Variants in FBXO27 observed in about 807,000 individuals in gnomAD.
FBXO27 encodes F-box protein 27, also known as F-box only protein 27.
Under a neutral mutation model 28.3 loss-of-function variants are expected in FBXO27, and 28 were observed. The ratio of observed to expected loss-of-function variants is 0.99; its 90% CI spans 0.73 to 1.36. FBXO27 has a LOEUF of 1.36. Among genes scored for constraint, FBXO27 ranks in the 40% most tolerant of loss-of-function variants. The pLI is 0.00. For missense variants in FBXO27, 388 were observed against 394.1 expected (o/e 0.98, Z 0.13); for synonymous variants, 175 against 167.3 (o/e 1.05, Z -0.36).
rs970847415 is a variant in FBXO27 at position 39,011,168 on chromosome 19, C to T, written c.252+3219G>A. 3.9e-5 allele frequency among the ~76,000 whole-genome samples: 6 copies of T among 152,338 alleles called. No individual in the cohort carries two copies. The East Asian group carries it at 5.8e-4, about 15-fold the overall frequency. The stretch of plus-strand genomic sequence containing the variant: ...ACAAGTGGCCGGGTGCAGTGGCTCA[C>T]GCCAGTAATCCCAGCACTTTGGGAG... On this transcript the variant is annotated intron_variant, in intron 2 of 2. Coordinates refer to the FBXO27 transcript ENST00000598394.
chr19:39,009,236 T>C (rs1418580196), intron 2 of FBXO27, among the ~76,000 whole-genome samples: 1 of 152,370 alleles, frequency 6.6e-6, no homozygotes, highest in Non-Finnish European at 1.5e-5. Flanking sequence ...TTATGAATAA[T>C]GTAGTTATGA....
At chr19:39,028,623 G>A (rs2072885780) in intron 4 of FBXO27, among the ~76,000 whole-genome samples, 1 of 152,010 alleles carries the variant, frequency 6.6e-6, no homozygotes, top group Admixed American at 6.6e-5. Flanking sequence ...AGGACTTTGG[G>A]AGGCAGAGGC....
intron 2 of FBXO27, among the ~76,000 whole-genome samples, chr19:39,014,161 C>T (rs1004932499): frequency 3.9e-5 from 6 of 152,244 alleles, no homozygotes; most frequent in South Asian, 2.1e-4. Context: ...CTGGAGTGTG[C>T]GCCCGTTTTT....
intron 2 of FBXO27, among the ~76,000 whole-genome samples, chr19:39,007,077 A>AAC (rs1205185293): frequency 2.0e-5 from 3 of 147,042 alleles, no homozygotes; most frequent in Non-Finnish European, 4.5e-5. Flanking sequence ...AAAAAAAAAA[A>AAC]ATACAGAAAA....
At chr19:39,012,629 T>TCTCTTC (rs2072801051) in intron 2 of FBXO27, among the ~76,000 whole-genome samples, 3 of 151,042 alleles carry the variant, frequency 2.0e-5, no homozygotes, top group Admixed American at 6.6e-5. Context: ...AATTCTAAAT[T>TCTCTTC]TTCTTCTTTT....
At position 39,024,849 on chromosome 19, in the gene FBXO27, T is replaced by C. The variant is rs1249740199; in HGVS notation, c.*562A>G. ...CAAACTTTTTTTTTTTAACGTAGAC[T>C]TTCAGCTGCATGACCTGGTCCCAGC... On this transcript the variant is annotated 3_prime_UTR_variant, in exon 6 of 6. Transcript: ENST00000292853. 1 of 152,508 alleles carries C rather than the reference T, an allele frequency of 6.6e-6. No individual in the cohort carries two copies. The highest frequency in any genetic ancestry group is 2.4e-5 in the African/African-American group (1 of 41,436). 9.4% of individuals were successfully genotyped at this position (152,508 alleles called of 1,614,324 possible).
chr19:39,028,161 G>A (rs2072883275), intron 4 of FBXO27, among the ~76,000 whole-genome samples: 1 of 151,986 alleles, frequency 6.6e-6, no homozygotes, highest in African/African-American at 2.4e-5. Flanking sequence ...AACCCAGGAG[G>A]CAGAGGTTGC....
chr19:39,017,720 T>C (rs1600224447), intron 1 of FBXO27, among the ~76,000 whole-genome samples: 2 of 152,102 alleles, frequency 1.3e-5, no homozygotes, highest in South Asian at 2.1e-4. Context: ...AAGGAGCTTT[T>C]CAAATTTCTC....
downstream of FBXO27, among the ~76,000 whole-genome samples, chr19:39,022,685 T>G (rs1600226075): frequency 1.3e-5 from 2 of 152,184 alleles, no homozygotes; most frequent in South Asian, 2.1e-4. Context: ...GGAGCGATCT[T>G]GGATCACTGC....
intron 2 of FBXO27, among the ~76,000 whole-genome samples, chr19:39,010,929 A>T (rs926280633): frequency 6.6e-6 from 1 of 152,208 alleles, no homozygotes; most frequent in Non-Finnish European, 1.5e-5. Flanking sequence ...GCTAAGTCTC[A>T]CTTTGGGGCT....
chr19:39,022,795 A>T (rs1394347521), downstream of FBXO27, among the ~76,000 whole-genome samples: 1 of 147,886 alleles, frequency 6.8e-6, no homozygotes, highest in Non-Finnish European at 1.5e-5. Flanking sequence ...TTGCATTTTT[A>T]TTTTATTTAT....
At chr19:39,031,432 A>T in intron 2 of FBXO27, 112 bp from the exon 3 acceptor site, 1 of 903,946 alleles carries the variant, frequency 1.1e-6, no homozygotes. Context: ...CACTCACCTG[A>T]CCCTTCCCAC....
chr19:39,008,135 C>T (rs1330970956), intron 2 of FBXO27, among the ~76,000 whole-genome samples: 5 of 151,984 alleles, frequency 3.3e-5, no homozygotes, highest in African/African-American at 1.2e-4. Context: ...CATGGTGGTG[C>T]ACGCCTATAG....
chr19:39,008,969 C>T (rs1468182271), intron 2 of FBXO27, among the ~76,000 whole-genome samples: 6 of 152,094 alleles, frequency 3.9e-5, no homozygotes, highest in Admixed American at 2.0e-4. Context: ...TACAGGCACC[C>T]GCCACCATGC....
At position 39,031,926 on chromosome 19, in the gene FBXO27, A is replaced by AG; in HGVS notation, c.301dup (p.Leu101ProfsTer81). On this transcript the variant is annotated frameshift_variant, in exon 2 of 6. Transcript: ENST00000292853. LOFTEE classifies it high-confidence loss of function. Reference sequence around the variant, plus strand: ...GGGTCTGCGCGCGCAGAAGCGGCCCAGGGGGCAAGGCCTGGCGTTACGGGC... The same window carrying AG: ...GGGTCTGCGCGCGCAGAAGCGGCCCAGGGGGGCAAGGCCTGGCGTTACGGGC... The AG allele has an allele frequency of 1.3e-6, 2 of 1,511,188 alleles. No individual in the cohort carries two copies. The highest frequency in any genetic ancestry group is 1.8e-6 in the Non-Finnish European group (2 of 1,141,568). 93.6% of individuals were successfully genotyped at this position (1,511,188 alleles called of 1,614,324 possible).
chr19:39,029,606 TC>T (rs2072891632), intron 4 of FBXO27, among the ~76,000 whole-genome samples: 1 of 151,884 alleles, frequency 6.6e-6, no homozygotes, highest in Admixed American at 6.6e-5. Flanking sequence ...ATATGATACT[TC>T]CCACACAGAT....
chr19:39,032,198 G>A lies in FBXO27; in HGVS notation c.30C>T (p.Ala10=). The A allele has an allele frequency of 1.4e-6, 2 of 1,478,544 alleles. No homozygotes were observed. Among genetic ancestry groups the A allele is most frequent in the South Asian group, 2.7e-5 (2 of 74,918 alleles). 91.6% of individuals were successfully genotyped at this position (1,478,544 alleles called of 1,614,324 possible). Residue 10 remains alanine, a synonymous_variant, in exon 2 of 6, where the codon GCC becomes GCT. Coordinates refer to ENST00000292853, the MANE Select transcript of FBXO27 (RefSeq NM_178820.5). This position sits in a 1 kb window ranked among gnomAD's most constrained non-coding sequence, Gnocchi z 4.7. The stretch of plus-strand genomic sequence containing the variant: ...CCGGCTCCGGCGCGGGGACCCGGGC[G>A]GCCCGGCCCCTGGAGACCGAGGCGC... MGASVSRGR[A]ARVPAPEPEP...
intron 2 of FBXO27, among the ~76,000 whole-genome samples, chr19:39,010,000 G>A (rs2072787443): frequency 6.6e-6 from 1 of 151,892 alleles, no homozygotes; most frequent in South Asian, 2.1e-4. Flanking sequence ...AGTAGAGGTG[G>A]GGTTTCACCA....
intron 5 of FBXO27, among the ~76,000 whole-genome samples, chr19:39,026,595 T>C (rs916567906): frequency 1.3e-5 from 2 of 152,174 alleles, no homozygotes; most frequent in Non-Finnish European, 2.9e-5. Context: ...TGCCTCAGCT[T>C]CCCGAGTAGC....
Sources: allele counts gnomAD v4.1 joint callset (sites outside exome capture counted in the v4.1 genomes callset), GRCh38; gene constraint gnomAD v4.1.1; non-coding constraint Gnocchi (gnomAD v3.1); transcripts MANE v1.5; gene names NCBI Gene and HGNC (gene_info 2026-07-23, HGNC 2026-07-21).